Variants in ZPBP observed in about 807,000 individuals in gnomAD.
ZPBP encodes the protein zona pellucida binding protein.
ZPBP carries 26 observed loss-of-function variants against 44.8 expected under a neutral mutation model. The observed-to-expected ratio is 0.58, with a 90% confidence interval of 0.43 to 0.81. The LOEUF is 0.81. Ranked by LOEUF, ZPBP falls within the 30% of genes least tolerant of loss-of-function variation. The pLI, the probability that ZPBP is intolerant of heterozygous loss-of-function variation, is 0.00. For missense variants in ZPBP, 409 were observed against 434.0 expected (o/e 0.94, Z 0.51); for synonymous variants, 174 against 153.2 (o/e 1.14, Z -1.00).
At chr7:49,940,117 CT>C (rs1562788319) in intron 7 of ZPBP, among the ~76,000 whole-genome samples, 1 of 152,134 alleles carries the variant, frequency 6.6e-6, no homozygotes, top group Non-Finnish European at 1.5e-5. Context: ...TGGGTAGGAA[CT>C]TTATGAAAGC....
chr7:50,015,077 C>T (rs1798760772), intron 6 of ZPBP, among the ~76,000 whole-genome samples: 1 of 152,032 alleles, frequency 6.6e-6, no homozygotes, highest in African/African-American at 2.4e-5. Flanking sequence ...TGCCAATATA[C>T]TGTTCTTATA....
chr7:49,990,952 A>G (rs1481792359), intron 6 of ZPBP, among the ~76,000 whole-genome samples: 1 of 152,200 alleles, frequency 6.6e-6, no homozygotes, highest in Non-Finnish European at 1.5e-5. Flanking sequence ...CAGATATCAT[A>G]CAGGATTATA....
At chr7:49,983,215 A>G (rs891461911) in intron 7 of ZPBP, 127 bp downstream of exon 7, 2 of 867,534 alleles carry the variant, frequency 2.3e-6, no homozygotes, top group African/African-American at 3.4e-5. Flanking sequence ...CAAATACACT[A>G]CTTTAAATAA....
intron 7 of ZPBP, chr7:49,940,828 G>A: frequency 1.0e-6 from 1 of 983,302 alleles, no homozygotes; most frequent in Non-Finnish European, 1.2e-6. Context: ...TCCCATGCCT[G>A]TGGGATTGGT....
At chr7:49,980,840 C>T (rs1272258778) in intron 7 of ZPBP, among the ~76,000 whole-genome samples, 2 of 152,020 alleles carry the variant, frequency 1.3e-5, no homozygotes, top group African/African-American at 2.4e-5. Context: ...ATAGCCAAAT[C>T]ATAGCAATAT....
At chr7:50,092,946 G>T (rs1401296374) in intron 1 of ZPBP, 122 bp downstream of exon 1, 4 of 1,374,602 alleles carry the variant, frequency 2.9e-6, no homozygotes, top group African/African-American at 1.5e-5. Flanking sequence ...TTCTTGTCAC[G>T]TATTAGTGAG....
chr7:50,026,735 A>G (rs921680204), intron 5 of ZPBP, among the ~76,000 whole-genome samples: 4 of 151,902 alleles, frequency 2.6e-5, no homozygotes, highest in Non-Finnish European at 1.5e-5. Context: ...AACAAACAAA[A>G]AAACCACACA....
At chr7:49,865,577 C>T (rs1790850550) in intron 2 of ZPBP, among the ~76,000 whole-genome samples, 1 of 152,182 alleles carries the variant, frequency 6.6e-6, no homozygotes, top group Non-Finnish European at 1.5e-5. Context: ...GGGCTTAGGA[C>T]TCCAAAAAGC....
chr7:49,900,496 A>T (rs1326739026), intron 2 of ZPBP, among the ~76,000 whole-genome samples: 1 of 151,778 alleles, frequency 6.6e-6, no homozygotes, highest in East Asian at 1.9e-4. Flanking sequence ...TCCCATGGAC[A>T]TTAAAGGGAT....
At chr7:49,921,287 A>G (rs1224198001) in intron 1 of ZPBP, 1 of 152,244 alleles carries the variant, frequency 6.6e-6, no homozygotes, top group Non-Finnish European at 1.5e-5. Context: ...GTTAAAAGGC[A>G]TAGGTGAGTT....
At chr7:49,940,348 A>G (rs1794821266) in intron 7 of ZPBP, among the ~76,000 whole-genome samples, 2 of 152,166 alleles carry the variant, frequency 1.3e-5, no homozygotes, top group African/African-American at 4.8e-5. Context: ...TAACTCATAT[A>G]AATCAATTAG....
rs1180225808 is a variant in ZPBP, at chr7:50,093,168, CG to C, written c.26del (p.Ala9GlyfsTer47). The C allele has an allele frequency of 1.3e-6, 2 of 1,539,436 alleles. No individual in the cohort carries two copies. Among genetic ancestry groups the C allele is most frequent in the South Asian group, 2.4e-5 (2 of 82,928 alleles). MEAFALGP[A>X]RRGRRRTRAA... ...CCCGGGTCCGCCGCCTGCCCCGCCG[CG>C]CTGGGCCAAGGGCGAAGGCCTCCAT... On this transcript the variant is annotated frameshift_variant, in exon 1 of 8. Transcript: ENST00000046087. LOFTEE classifies it high-confidence loss of function.
intron 6 of ZPBP, among the ~76,000 whole-genome samples, chr7:49,986,231 C>T (rs1257384512): frequency 6.6e-6 from 1 of 152,126 alleles, no homozygotes; most frequent in Non-Finnish European, 1.5e-5. Context: ...AAACTGTATC[C>T]CCCACCCTCC....
At chr7:49,847,719 G>A (rs970081936), downstream of ZPBP, among the ~76,000 whole-genome samples, 2 of 152,190 alleles carry the variant, frequency 1.3e-5, no homozygotes, top group African/African-American at 4.8e-5. Context: ...GGGTGAGGCG[G>A]GCTTAGGATT....
chr7:49,866,348 T>C (rs568286447), intron 2 of ZPBP, among the ~76,000 whole-genome samples: 1 of 152,314 alleles, frequency 6.6e-6, no homozygotes, highest in South Asian at 2.1e-4. Context: ...TCTTCCCTCA[T>C]TGCTTTTCTA....
rs202231065 is a variant in ZPBP at position 50,093,145 on chromosome 7, C to A, written c.50G>T (p.Arg17Leu). The A allele has an allele frequency of 2.1e-5, 33 of 1,544,964 alleles. No homozygotes were observed. In the African/African-American group the frequency reaches 3.8e-4, roughly 18 times the overall value. Residue 17 changes from arginine (R) to leucine (L), a missense_variant, in exon 1 of 8, where the codon CGG (arginine) becomes CTG (leucine). This residue lies in a region of ZPBP where 367 missense variants were observed against 363.1 expected (regional missense o/e 1.01). Transcript: ENST00000046087. ...GPARRGRRRTRAAGSLLSRAA... is the reference protein window; with the variant it reads ...GPARRGRRRTLAAGSLLSRAA... Reference sequence around the variant, plus strand: ...CCGAGAGAGCAGGGAGCCGGCGGCCCGGGTCCGCCGCCTGCCCCGCCGCGC... The same window carrying A: ...CCGAGAGAGCAGGGAGCCGGCGGCCAGGGTCCGCCGCCTGCCCCGCCGCGC...
At chr7:49,940,681 G>T in intron 7 of ZPBP, 7 of 820,736 alleles carry the variant, frequency 8.5e-6, no homozygotes, top group Non-Finnish European at 1.0e-5. Context: ...TGTTTGAAAT[G>T]ATTAAAAAAA....
intron 2 of ZPBP, among the ~76,000 whole-genome samples, chr7:49,867,153 C>G (rs926918390): frequency 1.3e-5 from 2 of 152,190 alleles, no homozygotes; most frequent in African/African-American, 4.8e-5. Flanking sequence ...CACACACAGA[C>G]TAGCCTGCAA....
intron 6 of ZPBP, among the ~76,000 whole-genome samples, chr7:49,984,106 T>C (rs1319909064): frequency 6.6e-6 from 1 of 152,202 alleles, no homozygotes; most frequent in African/African-American, 2.4e-5. Flanking sequence ...CATTCAAGTA[T>C]GAGGTACGCA....
Sources: gnomAD v4.1 joint callset for allele counts (sites outside exome capture counted in the v4.1 genomes callset) on GRCh38, gnomAD v4.1.1 for gene constraint, gnomAD v4.1.1 regional missense constraint, MANE v1.5 for transcripts, NCBI Gene and HGNC (gene_info 2026-07-23, HGNC 2026-07-21) for gene names.